PIGU: variants seen among roughly 807,000 people sequenced by gnomAD.
PIGU encodes the protein phosphatidylinositol glycan anchor biosynthesis class U.
A neutral mutation model predicts 49.9 loss-of-function variants in PIGU; 24 were observed. The ratio of observed to expected loss-of-function variants is 0.48; its 90% CI spans 0.35 to 0.68. PIGU has a LOEUF of 0.68. PIGU is among the 30% of genes least tolerant of loss of function. The pLI is 0.01. For synonymous variants in PIGU, 220 were observed against 205.7 expected (o/e 1.07, Z -0.59); for missense variants, 490 against 532.6 (o/e 0.92, Z 0.79).
intron 1 of PIGU, 30 bp downstream of exon 1, chr20:34,676,926 C>T (rs1987522900): frequency 6.4e-7 from 1 of 1,558,116 alleles, no homozygotes; most frequent in Non-Finnish European, 8.7e-7. Flanking sequence ...CAGGTGGGGC[C>T]TGACAGTCTG....
chr20:34,622,625 T>G (rs533136641), intron 6 of PIGU, among the ~76,000 whole-genome samples: 1 of 152,274 alleles, frequency 6.6e-6, no homozygotes, highest in East Asian at 1.9e-4. Flanking sequence ...AACATCTACC[T>G]ACAGGCCCAG....
intron 5 of PIGU, among the ~76,000 whole-genome samples, chr20:34,636,374 C>G (rs532092925): frequency 2.1e-4 from 32 of 151,882 alleles, no homozygotes; most frequent in Non-Finnish European, 3.5e-4. Flanking sequence ...GAAACCCCGT[C>G]TCTGCTAAAA....
intron 10 of PIGU, among the ~76,000 whole-genome samples, chr20:34,578,092 T>G (rs1325760285): frequency 6.6e-6 from 1 of 152,238 alleles, no homozygotes; most frequent in Non-Finnish European, 1.5e-5. Flanking sequence ...TTGATTGTTT[T>G]AATGTCTTCA....
chr20:34,562,478 C>G, intron 11 of PIGU: 1 of 1,289,274 alleles, frequency 7.8e-7, no homozygotes, highest in Non-Finnish European at 1.0e-6. Context: ...TCAGAGGCGC[C>G]TGGAGGAGTT....
chr20:34,620,799 TAAAAAAAAACA>T (rs1395240630), intron 6 of PIGU, among the ~76,000 whole-genome samples: 29 of 55,404 alleles, frequency 5.2e-4, no homozygotes, highest in South Asian at 4.9e-3. Context: ...AGACTCCACC[TAAAAAAAAACA>T]AAAAAAAAAC....
chr20:34,619,631 C>A (rs539869813), intron 6 of PIGU, among the ~76,000 whole-genome samples: 1 of 152,296 alleles, frequency 6.6e-6, no homozygotes, highest in South Asian at 2.1e-4. Context: ...CCAGAGGAGA[C>A]ACAAGGAGTG....
At chr20:34,670,318 T>C (rs1358857222) in intron 1 of PIGU, among the ~76,000 whole-genome samples, 1 of 151,316 alleles carries the variant, frequency 6.6e-6, no homozygotes, top group African/African-American at 2.4e-5. Flanking sequence ...GCCTCCTGAG[T>C]AGCTGGGACT....
rs142567049 is a variant in PIGU, at chr20:34,594,291, G to A, written c.628-5684C>T. Among the ~76,000 whole-genome samples, 254 of 152,240 alleles carry A rather than the reference G, an allele frequency of 1.7e-3. 1 individual carries two copies. The highest frequency in any genetic ancestry group is 5.7e-3 in the African/African-American group (235 of 41,538). Reference sequence around the variant, plus strand: ...AAAATAAGTATATACAAGGTTACTCGCTGAAACATTACTTGTAATTGCAAA... The same window carrying A: ...AAAATAAGTATATACAAGGTTACTCACTGAAACATTACTTGTAATTGCAAA... On this transcript the variant is annotated intron_variant, in intron 7 of 11. Coordinates refer to ENST00000217446, the MANE Select transcript of PIGU (RefSeq NM_080476.5).
At chr20:34,575,459 C>T (rs1172242525) in intron 10 of PIGU, among the ~76,000 whole-genome samples, 2 of 152,250 alleles carry the variant, frequency 1.3e-5, no homozygotes, top group Middle Eastern at 3.4e-3. Flanking sequence ...TCCTGGATTT[C>T]GATTATTTCC....
At chr20:34,599,446 T>C (rs1984329531) in intron 7 of PIGU, among the ~76,000 whole-genome samples, 1 of 151,822 alleles carries the variant, frequency 6.6e-6, no homozygotes, top group Non-Finnish European at 1.5e-5. Context: ...GAGACCCCCG[T>C]CTCAAAAAAA....
chr20:34,634,337 G>T (rs1238420883), intron 6 of PIGU, among the ~76,000 whole-genome samples: 6 of 152,082 alleles, frequency 3.9e-5, no homozygotes, highest in African/African-American at 1.4e-4. Context: ...TTCCCAAAGT[G>T]CTGAGATTAC....
chr20:34,568,455 G>A (rs146156798), intron 11 of PIGU, among the ~76,000 whole-genome samples: 4 of 152,302 alleles, frequency 2.6e-5, no homozygotes, highest in African/African-American at 4.8e-5. Flanking sequence ...CGGGAGCAAC[G>A]AGCCTTCCCA....
intron 9 of PIGU, among the ~76,000 whole-genome samples, chr20:34,582,977 A>C (rs1419018895): frequency 6.6e-6 from 1 of 152,158 alleles, no homozygotes; most frequent in African/African-American, 2.4e-5. Context: ...AACCACATGC[A>C]CATGGCCTAC....
chr20:34,632,162 GA>G (rs1307115082), intron 6 of PIGU, among the ~76,000 whole-genome samples: 1 of 148,360 alleles, frequency 6.7e-6, no homozygotes, highest in Non-Finnish European at 1.5e-5. Flanking sequence ...AATATTTCAG[GA>G]AAAAAAAACT....
At chr20:34,659,528 G>A (rs1986862266) in intron 1 of PIGU, among the ~76,000 whole-genome samples, 1 of 152,200 alleles carries the variant, frequency 6.6e-6, no homozygotes, top group East Asian at 1.9e-4. Context: ...CCTCTGCCCA[G>A]CCACCACCCA....
intron 7 of PIGU, among the ~76,000 whole-genome samples, chr20:34,608,505 A>T (rs1430261724): frequency 6.6e-6 from 1 of 152,172 alleles, no homozygotes; most frequent in Non-Finnish European, 1.5e-5. Context: ...AGTCCTGTTA[A>T]GACTTTGAGG....
At chr20:34,617,127 T>C (rs1489302232) in intron 6 of PIGU, among the ~76,000 whole-genome samples, 2 of 152,210 alleles carry the variant, frequency 1.3e-5, no homozygotes, top group East Asian at 1.9e-4. Context: ...GGAGCCCTCA[T>C]GGAGAACCTC....
At chr20:34,588,311 T>C in intron 8 of PIGU, 142 bp downstream of exon 8, 3 of 789,950 alleles carry the variant, frequency 3.8e-6, no homozygotes, top group Non-Finnish European at 5.6e-6. Context: ...CTGGATCAAA[T>C]GGTAATTCTA....
intron 7 of PIGU, 100 bp downstream of exon 7, chr20:34,615,942 C>T: frequency 6.9e-7 from 1 of 1,448,412 alleles, no homozygotes; most frequent in Non-Finnish European, 9.1e-7. Context: ...GCAAGCTTCC[C>T]ACTGCCTTTA....
Sources: gnomAD v4.1 joint callset for allele counts (sites outside exome capture counted in the v4.1 genomes callset) on GRCh38, gnomAD v4.1.1 for gene constraint, MANE v1.5 for transcripts, NCBI Gene and HGNC (gene_info 2026-07-23, HGNC 2026-07-21) for gene names.